The following ANKS6 variants were observed in gnomAD, a reference collection of about 807,000 sequenced individuals.
ANKS6 encodes ankyrin repeat and sterile alpha motif domain containing 6.
In ANKS6, 47 loss-of-function variants were observed where a neutral mutation model predicts 77.9. The ratio of observed to expected loss-of-function variants is 0.60; its 90% CI spans 0.48 to 0.77. ANKS6 has a LOEUF of 0.77. ANKS6 is among the 30% of genes least tolerant of loss of function. ANKS6 has a pLI of 0.00. For missense variants in ANKS6, 1,150 were observed against 1,159.1 expected, an observed-to-expected ratio of 0.99 and a Z score of 0.11; for synonymous variants, 488 against 501.7, an observed-to-expected ratio of 0.97 and a Z score of 0.37.
chr9:98,758,122 AT>A (rs1045712883), intron 11 of ANKS6, among the ~76,000 whole-genome samples: 6 of 151,930 alleles, frequency 3.9e-5, no homozygotes, highest in African/African-American at 1.5e-4. Context: ...ATTATCTGTA[AT>A]ACTTCTATAA....
chr9:98,767,490 T>G (rs1833366192), intron 11 of ANKS6, among the ~76,000 whole-genome samples: 1 of 152,154 alleles, frequency 6.6e-6, no homozygotes, highest in Admixed American at 6.5e-5. Flanking sequence ...CCTATCACAC[T>G]GAGCTGTGAC....
chr9:98,769,445 A>G (rs889435775), intron 10 of ANKS6, among the ~76,000 whole-genome samples: 1 of 152,208 alleles, frequency 6.6e-6, no homozygotes, highest in Admixed American at 6.5e-5. Context: ...AAAAGCAAAA[A>G]TCTAGGAACA....
chr9:98,764,574 C>G (rs1032114511), intron 11 of ANKS6, among the ~76,000 whole-genome samples: 1 of 152,152 alleles, frequency 6.6e-6, no homozygotes, highest in Non-Finnish European at 1.5e-5. Flanking sequence ...TCTTTCTTCT[C>G]TTGTGATTCA....
At position 98,732,232 on chromosome 9, in the gene ANKS6, A is replaced by G. The variant is rs1831240893; in HGVS notation, c.*4287T>C. The stretch of plus-strand genomic sequence containing the variant: ...CTTCAGGAGGCATTTACTTGGAAGT[A>G]CAGGTCAGCGTTATCCAAAGTTGTC... On this transcript the variant is annotated 3_prime_UTR_variant, in exon 15 of 15. Coordinates refer to ENST00000353234, the MANE Select transcript of ANKS6 (RefSeq NM_173551.5). 1 of 506,694 alleles carries G rather than the reference A, an allele frequency of 2.0e-6. No individual in the cohort carries two copies. The allele number at this position is 506,694 out of a possible 1,614,324, so 31.4% of individuals were successfully genotyped here.
intron 2 of ANKS6, among the ~76,000 whole-genome samples, chr9:98,786,869 CA>C (rs922583494): frequency 4.6e-5 from 7 of 152,250 alleles, no homozygotes; most frequent in African/African-American, 1.7e-4. Context: ...CCCCAAGAGG[CA>C]GGGGCAGCTG....
chr9:98,780,141 C>G (rs752235240), intron 6 of ANKS6, 48 bp downstream of exon 6: 2 of 1,607,624 alleles, frequency 1.2e-6, no homozygotes, highest in Non-Finnish European at 1.7e-6. Flanking sequence ...CCCCGCCAGC[C>G]CCCATCTCCC....
chr9:98,756,681 G>T, intron 11 of ANKS6, 78 bp from the exon 12 acceptor site: 1 of 1,222,298 alleles, frequency 8.2e-7, no homozygotes. Context: ...CCCACAACAG[G>T]GAACATGGGT....
chr9:98,737,848 A>G (rs1355981296), intron 14 of ANKS6, among the ~76,000 whole-genome samples: 1 of 152,254 alleles, frequency 6.6e-6, no homozygotes, highest in Non-Finnish European at 1.5e-5. Flanking sequence ...ATAAGGCCAT[A>G]GTCACCAAAA....
intron 2 of ANKS6, among the ~76,000 whole-genome samples, chr9:98,789,266 G>A (rs1245091033): frequency 6.6e-6 from 1 of 151,834 alleles, no homozygotes; most frequent in African/African-American, 2.4e-5. Flanking sequence ...GAGTCCTGCC[G>A]TCGAAGTCAG....
Position 98,733,679 on chromosome 9 carries a change from A to G in ANKS6, c.*2840T>C. ...TGATGAGAGTAATGTGGGAGATGCT[A>G]TGAGTTTCTTGGCCCTGTGAAGAGG... On this transcript the variant is annotated 3_prime_UTR_variant, in exon 15 of 15. Transcript: ENST00000353234. 7 of 985,426 alleles carry G rather than the reference A, an allele frequency of 7.1e-6. No individual in the cohort carries two copies. Among genetic ancestry groups the G allele is most frequent in the Non-Finnish European group, 8.4e-6 (7 of 829,940 alleles). 61.0% of individuals were successfully genotyped at this position (985,426 alleles called of 1,614,324 possible).
intron 13 of ANKS6, among the ~76,000 whole-genome samples, 195 bp downstream of exon 13, chr9:98,750,834 A>G (rs576565839): frequency 6.6e-6 from 1 of 152,352 alleles, no homozygotes; most frequent in East Asian, 1.9e-4. Flanking sequence ...AAATTCTATC[A>G]TAACAAAGCA....
chr9:98,744,737 G>A (rs1280823969), intron 14 of ANKS6, among the ~76,000 whole-genome samples: 1 of 152,102 alleles, frequency 6.6e-6, no homozygotes, highest in African/African-American at 2.4e-5. Flanking sequence ...AAAAGGCAGA[G>A]ATGTCCATTA....
At chr9:98,770,476 A>C (rs569273039) in intron 10 of ANKS6, among the ~76,000 whole-genome samples, 1 of 152,224 alleles carries the variant, frequency 6.6e-6, no homozygotes, top group South Asian at 2.1e-4. Flanking sequence ...CTCTGCTTTG[A>C]GATCTAATTG....
At chr9:98,771,143 T>A in intron 9 of ANKS6, 97 bp from the exon 10 acceptor site, 1 of 1,307,846 alleles carries the variant, frequency 7.6e-7, no homozygotes, top group Non-Finnish European at 9.9e-7. Flanking sequence ...AGCTGGTGCA[T>A]ACCCCACCAA....
rs764800384 is a variant in ANKS6, at chr9:98,773,952, C to T, written c.1746G>A (p.Lys582=). 9.4e-6 allele frequency: 15 copies of T among 1,602,902 alleles called. No homozygotes were observed. The highest frequency in any genetic ancestry group is 1.7e-5 in the Admixed American group (1 of 59,036). Residue 582 remains lysine, a synonymous_variant, in exon 9 of 15, where the codon AAG becomes AAA. Coordinates refer to ENST00000353234, the MANE Select transcript of ANKS6 (RefSeq NM_173551.5). ...SDRSRTRHNG[K]ADPMKTALPQ... is the part of the protein sequence containing the mutation. Reference sequence around the variant, plus strand: ...GCAGCGCAGTCTTCATGGGGTCTGCCTTCCCGTTGTGACGCGTCCGGGACC... The same window carrying T: ...GCAGCGCAGTCTTCATGGGGTCTGCTTTCCCGTTGTGACGCGTCCGGGACC...
In ANKS6 at chr9:98,736,328, C is replaced by T. The variant is rs1831498942; in HGVS notation, c.*191G>A. 6 of 1,419,250 alleles carry T rather than the reference C, an allele frequency of 4.2e-6. No individual in the cohort carries two copies. In the East Asian group the frequency reaches 1.3e-4, roughly 30 times the overall value. 87.9% of individuals were successfully genotyped at this position (1,419,250 alleles called of 1,614,324 possible). ...ACTGGACTGTTACATGGGAATCTGT[C>T]TCTGTGTGTTGAAGTTTGTTGCAGC... On this transcript the variant is annotated 3_prime_UTR_variant, in exon 15 of 15. Coordinates refer to ENST00000353234, the MANE Select transcript of ANKS6 (RefSeq NM_173551.5).
chr9:98,744,161 A>G (rs1831991763), intron 14 of ANKS6, among the ~76,000 whole-genome samples: 1 of 152,240 alleles, frequency 6.6e-6, no homozygotes, highest in South Asian at 2.1e-4. Context: ...TTTACAGAGG[A>G]GAAGGAACTA....
chr9:98,745,655 G>A lies in ANKS6; in HGVS notation c.2415C>T (p.Leu805=). The part of the protein sequence containing the change: ...EEQEVDMEAF[L]TLTDGDLKEL... The stretch of plus-strand genomic sequence containing the variant: ...CCTTCAAGTCACCGTCAGTCAGTGT[G>A]AGGAACGCTTCCATGTCCACCTGGG... Residue 805 remains leucine, a synonymous_variant, in exon 14 of 15, where the codon CTC becomes CTT. Transcript: ENST00000353234. 1.9e-6 allele frequency: 3 copies of A among 1,614,126 alleles called. No homozygotes were observed. Among genetic ancestry groups the A allele is most frequent in the South Asian group, 2.2e-5 (2 of 91,084 alleles).
In ANKS6 at chr9:98,735,935, G is replaced by C; in HGVS notation, c.*584C>G. 1 of 1,230,892 alleles carries C rather than the reference G, an allele frequency of 8.1e-7. No individual in the cohort carries two copies. The highest frequency in any genetic ancestry group is 1.0e-6 in the Non-Finnish European group (1 of 988,104). The allele number at this position is 1,230,892 out of a possible 1,614,324, so 76.2% of individuals were successfully genotyped here. On this transcript the variant is annotated 3_prime_UTR_variant, in exon 15 of 15. Coordinates refer to ENST00000353234, the MANE Select transcript of ANKS6 (RefSeq NM_173551.5). ...TCATCTGAGAGGTGACTTGGACTAG[G>C]AGGGGCAAGTTAGAAGTTTTAAGGG...
Sources: gnomAD v4.1 joint callset for allele counts (sites outside exome capture counted in the v4.1 genomes callset) on GRCh38, gnomAD v4.1.1 for gene constraint, MANE v1.5 for transcripts, NCBI Gene and HGNC (gene_info 2026-07-23, HGNC 2026-07-21) for gene names.